Variants in KIF16B observed in about 807,000 individuals in gnomAD.
KIF16B encodes kinesin-like protein KIF16B.
Under a neutral mutation model 156.3 loss-of-function variants are expected in KIF16B, and 98 were observed. The ratio of observed to expected loss-of-function variants is 0.63; its 90% CI spans 0.53 to 0.74. The LOEUF (loss-of-function observed/expected upper bound fraction) is 0.74, where lower values mean the gene tolerates loss of function less well. KIF16B is among the 30% of genes least tolerant of loss of function. KIF16B has a pLI of 0.00. For missense variants in KIF16B, 1,421 were observed against 1,606.5 expected, an observed-to-expected ratio of 0.88 and a Z score of 1.97; for synonymous variants, 564 against 583.7, an observed-to-expected ratio of 0.97 and a Z score of 0.49.
At chr20:16,564,593 C>T (rs2071184188) in intron 1 of KIF16B, among the ~76,000 whole-genome samples, 1 of 151,358 alleles carries the variant, frequency 6.6e-6, no homozygotes, top group Admixed American at 6.6e-5. Flanking sequence ...AGCACACCAA[C>T]ATGGCACATG....
intron 25 of KIF16B, among the ~76,000 whole-genome samples, chr20:16,291,190 A>G (rs570142200): frequency 6.6e-5 from 10 of 152,332 alleles, no homozygotes; most frequent in African/African-American, 1.9e-4. Flanking sequence ...GAAAAATTTC[A>G]TAGGTTTACA....
intron 5 of KIF16B, 26 bp from the exon 6 acceptor site, chr20:16,511,553 T>G: frequency 6.9e-7 from 1 of 1,443,122 alleles, no homozygotes; most frequent in Non-Finnish European, 9.7e-7. Context: ...AAAATTGAAT[T>G]CAGAAAAATG....
At chr20:16,395,577 C>T (rs1014884874) in intron 17 of KIF16B, among the ~76,000 whole-genome samples, 11 of 152,134 alleles carry the variant, frequency 7.2e-5, no homozygotes, top group African/African-American at 2.4e-4. Context: ...TTCCAGAAAT[C>T]CATTTCCATT....
intron 25 of KIF16B, among the ~76,000 whole-genome samples, chr20:16,273,893 T>C (rs2063021035): frequency 6.6e-6 from 1 of 152,114 alleles, no homozygotes; most frequent in Non-Finnish European, 1.5e-5. Flanking sequence ...AAGAAATATC[T>C]TTGGCTCAGC....
At chr20:16,324,329 G>C (rs907701757) in intron 24 of KIF16B, among the ~76,000 whole-genome samples, 6 of 151,902 alleles carry the variant, frequency 3.9e-5, no homozygotes, top group Non-Finnish European at 8.8e-5. Flanking sequence ...AAGAGCATGG[G>C]ACCAGGAATT....
intron 1 of KIF16B, among the ~76,000 whole-genome samples, chr20:16,529,429 G>A (rs1017990643): frequency 2.0e-5 from 3 of 152,208 alleles, no homozygotes; most frequent in African/African-American, 7.2e-5. Context: ...AGAGGAATTT[G>A]ACTGTATACT....
chr20:16,505,924 T>C lies in KIF16B; in HGVS notation c.869-71A>G, dbSNP rs142458184. 7,481 of 1,605,652 alleles carry C rather than the reference T, an allele frequency of 4.7e-3. 43 individuals carry two copies. Among genetic ancestry groups the C allele is most frequent in the South Asian group, 7.1e-3 (641 of 90,404 alleles). On this transcript the variant is annotated intron_variant, in intron 8 of 25. Transcript: ENST00000354981. ...TTTTTTTTCCTCTACTTTTGCTTCATAAAACCTTGAAGAAATTACCTCAGT... is the reference window on the plus strand; with the variant it reads ...TTTTTTTTCCTCTACTTTTGCTTCACAAAACCTTGAAGAAATTACCTCAGT...
Position 16,526,097 on chromosome 20 carries a change from C to A in KIF16B, c.226G>T (p.Glu76Ter). The change falls in exon 3 of 26, where the codon GAA becomes TAA. Residue 76 changes from glutamate to a stop codon, truncating the protein, a stop_gained. Coordinates refer to ENST00000354981, the MANE Select transcript of KIF16B (RefSeq NM_024704.5). LOFTEE classifies it high-confidence loss of function. ...DTKSPDYVSQ[E>*]MVFKTLGTDV... ...ATTTTGAAAATATCATATACCATTT[C>A]TTGTGAAACGTAATCTGGGCTTTTT... is the stretch of plus-strand genomic sequence containing the variant. The A allele has an allele frequency of 1.3e-6, 2 of 1,554,036 alleles. No homozygotes were observed. Among genetic ancestry groups the A allele is most frequent in the South Asian group, 1.2e-5 (1 of 85,048 alleles).
rs997525205 is a variant in KIF16B, at chr20:16,305,064, C to T, written c.3795+7271G>A. On this transcript the variant is annotated intron_variant, in intron 25 of 25. Transcript: ENST00000354981. Reference sequence around the variant, plus strand: ...AACTACCGAGACTTTATTTTGGAAACAGTTCTTCACTTAGTTAACATCTCC... The same window carrying T: ...AACTACCGAGACTTTATTTTGGAAATAGTTCTTCACTTAGTTAACATCTCC... Among the ~76,000 whole-genome samples the T allele has an allele frequency of 7.2e-5, 11 of 152,192 alleles. No homozygotes were observed. In the East Asian group the frequency reaches 1.2e-3, roughly 16 times the overall value.
At chr20:16,336,199 T>A (rs1003995162) in intron 23 of KIF16B, among the ~76,000 whole-genome samples, 184 bp from the exon 24 acceptor site, 1 of 152,198 alleles carries the variant, frequency 6.6e-6, no homozygotes, top group Non-Finnish European at 1.5e-5. Context: ...TACTTAAACA[T>A]GCAGCTTTGG....
At chr20:16,560,932 G>A (rs2071034684) in intron 1 of KIF16B, among the ~76,000 whole-genome samples, 1 of 152,054 alleles carries the variant, frequency 6.6e-6, no homozygotes, top group East Asian at 1.9e-4. Flanking sequence ...CTTCATCAGT[G>A]TTTTTTTCAA....
intron 12 of KIF16B, among the ~76,000 whole-genome samples, chr20:16,475,014 G>A (rs567919314): frequency 5.9e-5 from 9 of 152,150 alleles, no homozygotes; most frequent in Non-Finnish European, 1.2e-4. Flanking sequence ...GCAAGTGTTC[G>A]ATAAAAGTTA....
chr20:16,419,891 C>T (rs979197311), intron 15 of KIF16B, among the ~76,000 whole-genome samples: 1 of 152,086 alleles, frequency 6.6e-6, no homozygotes, highest in African/African-American at 2.4e-5. Flanking sequence ...AATCTAAGGT[C>T]TAAGCCACTA....
At chr20:16,381,770 A>G (rs2065102762) in intron 17 of KIF16B, 23 bp from the exon 18 acceptor site, 2 of 1,595,064 alleles carry the variant, frequency 1.3e-6, no homozygotes, top group Non-Finnish European at 1.7e-6. Context: ...AATGAAAATG[A>G]GTCACTTTTC....
chr20:16,551,504 C>A (rs1199586555), intron 1 of KIF16B, among the ~76,000 whole-genome samples: 1 of 152,168 alleles, frequency 6.6e-6, no homozygotes, highest in Non-Finnish European at 1.5e-5. Context: ...CCTTCTGACT[C>A]CTTGCTGGTG....
At chr20:16,373,867 C>T (rs2064880117) in intron 20 of KIF16B, among the ~76,000 whole-genome samples, 1 of 152,190 alleles carries the variant, frequency 6.6e-6, no homozygotes, top group Non-Finnish European at 1.5e-5. Context: ...GTTCCACATC[C>T]ACAACTATAC....
At chr20:16,314,887 G>T (rs1301049477) in intron 24 of KIF16B, among the ~76,000 whole-genome samples, 1 of 152,066 alleles carries the variant, frequency 6.6e-6, no homozygotes, top group Non-Finnish European at 1.5e-5. Flanking sequence ...GAGAAGACAG[G>T]TACAAGAAGA....
At chr20:16,452,618 G>A (rs888488651) in intron 12 of KIF16B, among the ~76,000 whole-genome samples, 2 of 152,002 alleles carry the variant, frequency 1.3e-5, no homozygotes, top group African/African-American at 2.4e-5. Flanking sequence ...GGTGGATCAC[G>A]AGGTCAGGAG....
intron 1 of KIF16B, among the ~76,000 whole-genome samples, chr20:16,542,359 T>C (rs2070236803): frequency 6.6e-6 from 1 of 152,284 alleles, no homozygotes; most frequent in Admixed American, 6.5e-5. Context: ...ACATACCAGA[T>C]AATAGCCTCA....
Sources: gnomAD v4.1 joint callset for allele counts (sites outside exome capture counted in the v4.1 genomes callset) on GRCh38, gnomAD v4.1.1 for gene constraint, MANE v1.5 for transcripts, NCBI Gene and HGNC (gene_info 2026-07-23, HGNC 2026-07-21) for gene names.